ALKBH5: variants seen among roughly 807,000 people sequenced by gnomAD.
ALKBH5 encodes alkB homolog 5, RNA demethylase.
Under a neutral mutation model 32.1 loss-of-function variants are expected in ALKBH5, and 2 were observed. The observed-to-expected ratio is 0.06, with a 90% CI of 0.03 to 0.20. The LOEUF (loss-of-function observed/expected upper bound fraction) is 0.20, where lower values mean the gene tolerates loss of function less well. Among genes scored for constraint, ALKBH5 ranks in the 10% least tolerant of loss-of-function variants. ALKBH5 has a pLI of 1.00. For missense variants in ALKBH5, 352 were observed against 559.5 expected, an observed-to-expected ratio of 0.63 and a Z score of 3.74; for synonymous variants, 300 against 231.7, an observed-to-expected ratio of 1.29 and a Z score of -2.68.
intron 1 of ALKBH5, among the ~76,000 whole-genome samples, chr17:18,189,217 A>T (rs1446732300): frequency 6.6e-6 from 1 of 152,044 alleles, no homozygotes; most frequent in East Asian, 1.9e-4. Flanking sequence ...CTCTACTAAA[A>T]ATACAAAAAA....
intron 1 of ALKBH5, among the ~76,000 whole-genome samples, chr17:18,191,705 C>T (rs895761394): frequency 1.3e-5 from 2 of 152,132 alleles, no homozygotes; most frequent in Non-Finnish European, 1.5e-5. Context: ...CATGGTGGCT[C>T]ACACTTGTAA....
intron 2 of ALKBH5, among the ~76,000 whole-genome samples, chr17:18,201,470 C>T (rs532486760): frequency 1.3e-5 from 2 of 152,328 alleles, no homozygotes; most frequent in East Asian, 3.9e-4. Flanking sequence ...CTTCTAAACT[C>T]TTCCTGGCTG....
In ALKBH5 at chr17:18,184,693, C is replaced by A. The variant is rs756287332; in HGVS notation, c.450C>A (p.Pro150=). Residue 150 remains proline, a synonymous_variant, in exon 1 of 4, where the codon CCC becomes CCA. Coordinates refer to ENST00000399138, the MANE Select transcript of ALKBH5 (RefSeq NM_017758.4). ...GCGCCCAGCTGCAGAAGCGCGGGCC[C>A]GGCCAGGAGCGCCTCTACCCGCCGG... ...TYGAQLQKRG[P]GQERLYPPGD... is the part of the protein sequence containing the mutation. 2 of 1,612,702 alleles carry A rather than the reference C, an allele frequency of 1.2e-6. No homozygotes were observed. The highest frequency in any genetic ancestry group is 2.2e-5 in the South Asian group (2 of 91,066).
intron 1 of ALKBH5, among the ~76,000 whole-genome samples, chr17:18,188,377 C>T (rs759632209): frequency 1.2e-4 from 19 of 152,254 alleles, no homozygotes; most frequent in Non-Finnish European, 2.6e-4. Context: ...CACCCAGGCA[C>T]GGGGCATGCA....
At position 18,184,374 on chromosome 17, in the gene ALKBH5, CCGCCGCTGCCGCCGA is replaced by C; in HGVS notation, c.132_146del (p.Ala45_Glu49del). 6.6e-7 allele frequency: 1 copy of C among 1,517,818 alleles called. No homozygotes were observed. The highest frequency in any genetic ancestry group is 1.2e-5 in the South Asian group (1 of 80,494). The allele number at this position is 1,517,818 out of a possible 1,614,324, so 94.0% of individuals were successfully genotyped here. A position where few individuals can be genotyped will look rare whatever the true frequency, so the allele number is the denominator to read the frequency against. Reference sequence around the variant, plus strand: ...GCCGCCGTAGCCGCCGCAGCCGCAGCCGCCGCTGCCGCCGAACCTTACCCTGTGTCCGGGGCCAAG... The same window carrying C: ...GCCGCCGTAGCCGCCGCAGCCGCAGCACCTTACCCTGTGTCCGGGGCCAAG... On this transcript the variant is annotated inframe_deletion, in exon 1 of 4. Transcript: ENST00000399138.
At chr17:18,194,886 G>T in intron 1 of ALKBH5, 69 bp from the exon 2 acceptor site, 2 of 1,418,654 alleles carry the variant, frequency 1.4e-6, no homozygotes, top group Non-Finnish European at 2.0e-6. Context: ...TTCCTGTCCT[G>T]TTATATCCCC....
intron 1 of ALKBH5, among the ~76,000 whole-genome samples, chr17:18,194,057 C>T (rs551833042): frequency 6.8e-6 from 1 of 146,526 alleles, no homozygotes; most frequent in Non-Finnish European, 1.5e-5. Context: ...CATCTACCCA[C>T]ATTAGTTGGT....
Position 18,184,684 on chromosome 17 carries a change from G to A in ALKBH5, c.441G>A (p.Lys147=), listed in dbSNP as rs1487811970. 6.2e-7 allele frequency: 1 copy of A among 1,612,714 alleles called. No individual in the cohort carries two copies. Among genetic ancestry groups the A allele is most frequent in the Admixed American group, 1.7e-5 (1 of 60,010 alleles). ...EGYTYGAQLQ[K]RGPGQERLYP... Reference sequence around the variant, plus strand: ...ACACTTACGGCGCCCAGCTGCAGAAGCGCGGGCCCGGCCAGGAGCGCCTCT... The same window carrying A: ...ACACTTACGGCGCCCAGCTGCAGAAACGCGGGCCCGGCCAGGAGCGCCTCT... Residue 147 remains lysine, a synonymous_variant, in exon 1 of 4, where the codon AAG becomes AAA. Transcript: ENST00000399138.
intron 2 of ALKBH5, among the ~76,000 whole-genome samples, chr17:18,199,985 T>C (rs2047226590): frequency 6.6e-6 from 1 of 150,820 alleles, no homozygotes; most frequent in Admixed American, 6.6e-5. Flanking sequence ...TGATCCCAGC[T>C]ACTGGGGAGG....
intron 2 of ALKBH5, among the ~76,000 whole-genome samples, chr17:18,201,811 AGAT>A (rs771277083): frequency 7.9e-4 from 58 of 73,488 alleles, no homozygotes; most frequent in African/African-American, 2.6e-3. Context: ...ATAGATAGAT[AGAT>A]AGATAGATAG....
rs2047127856 is a variant in ALKBH5 at position 18,184,861 on chromosome 17, C to T, written c.618C>T (p.Asp206=). 6.2e-7 allele frequency: 1 copy of T among 1,614,236 alleles called. No individual in the cohort carries two copies. The highest frequency in any genetic ancestry group is 8.5e-7 in the Non-Finnish European group (1 of 1,180,050). Residue 206 remains aspartate (D), a synonymous_variant, in exon 1 of 4, where the codon GAC becomes GAT. Coordinates refer to ENST00000399138, the MANE Select transcript of ALKBH5 (RefSeq NM_017758.4). ...QPGGCIVSHV[D]PIHIFERPIV... ...GCGGCTGCATCGTGTCTCACGTGGA[C>T]CCCATCCACATCTTCGAGCGCCCCA...
intron 1 of ALKBH5, among the ~76,000 whole-genome samples, chr17:18,186,445 A>G (rs534380813): frequency 1.4e-4 from 22 of 152,098 alleles, no homozygotes; most frequent in Non-Finnish European, 2.5e-4. Context: ...TCACACAAGG[A>G]CCATTTGGTC....
intron 2 of ALKBH5, among the ~76,000 whole-genome samples, chr17:18,195,322 C>G (rs927278431): frequency 1.3e-5 from 2 of 152,280 alleles, no homozygotes; most frequent in South Asian, 4.2e-4. Context: ...TCTTCCAAAC[C>G]TCACCCCACC....
chr17:18,192,110 A>G (rs1453740973), intron 1 of ALKBH5, among the ~76,000 whole-genome samples: 1 of 152,224 alleles, frequency 6.6e-6, no homozygotes, highest in South Asian at 2.1e-4. Flanking sequence ...AATGGGGCCC[A>G]GGCGGCCCCC....
rs1409620968 is a variant in ALKBH5 at position 18,208,299 on chromosome 17, G to T, written c.1088G>T (p.Ser363Ile). 6.2e-7 allele frequency: 1 copy of T among 1,614,130 alleles called. No homozygotes were observed. The highest frequency in any genetic ancestry group is 1.3e-5 in the African/African-American group (1 of 75,028). The change falls in exon 4 of 4, where the codon AGC becomes ATC. Residue 363 changes from serine to isoleucine, a missense_variant. Coordinates refer to ENST00000399138, the MANE Select transcript of ALKBH5 (RefSeq NM_017758.4). ...ACACACCGGCGGAGGGGTAGCTTCAGCTCTGAGAACTACTGGCGCAAGTCA... is the reference window on the plus strand; with the variant it reads ...ACACACCGGCGGAGGGGTAGCTTCATCTCTGAGAACTACTGGCGCAAGTCA... Reference protein sequence around the residue: ...LPTHRRRGSFSSENYWRKSYE... With the variant: ...LPTHRRRGSFISENYWRKSYE...
At chr17:18,201,792 ATAAG>A (rs2047239268) in intron 2 of ALKBH5, among the ~76,000 whole-genome samples, 1 of 75,728 alleles carries the variant, frequency 1.3e-5, no homozygotes, top group East Asian at 4.0e-4. Flanking sequence ...GATAGGATAG[ATAAG>A]ATAGATAGAT....
rs1451855806 is a variant in ALKBH5 at position 18,184,311 on chromosome 17, A to T, written c.68A>T (p.Tyr23Phe). 2 of 1,521,598 alleles carry T rather than the reference A, an allele frequency of 1.3e-6. No individual in the cohort carries two copies. Among genetic ancestry groups the T allele is most frequent in the Non-Finnish European group, 1.8e-6 (2 of 1,137,692 alleles). 94.3% of individuals were successfully genotyped at this position (1,521,598 alleles called of 1,614,324 possible). ...AAGTCCATGACGTCCCGGGACAACTATAAGGCGGGCAGCCGGGAGGCCGCC... is the reference window on the plus strand; with the variant it reads ...AAGTCCATGACGTCCCGGGACAACTTTAAGGCGGGCAGCCGGGAGGCCGCC... The part of the protein sequence containing the change: ...KLKSMTSRDN[Y>F]KAGSREAAAA... Residue 23 changes from tyrosine to phenylalanine, a missense_variant, in exon 1 of 4, where the codon TAT (tyrosine) becomes TTT (phenylalanine). Coordinates refer to ENST00000399138, the MANE Select transcript of ALKBH5 (RefSeq NM_017758.4).
chr17:18,184,381 T>TGCC lies in ALKBH5; in HGVS notation c.143_145dup (p.Ala48dup). Reference sequence around the variant, plus strand: ...TAGCCGCCGCAGCCGCAGCCGCCGCTGCCGCCGAACCTTACCCTGTGTCCG... The same window carrying TGCC: ...TAGCCGCCGCAGCCGCAGCCGCCGCTGCCGCCGCCGAACCTTACCCTGTGTCCG... On this transcript the variant is annotated inframe_insertion, in exon 1 of 4. Transcript: ENST00000399138. 1 of 1,520,412 alleles carries TGCC rather than the reference T, an allele frequency of 6.6e-7. No homozygotes were observed. The highest frequency in any genetic ancestry group is 8.8e-7 in the Non-Finnish European group (1 of 1,137,038). 94.2% of individuals were successfully genotyped at this position (1,520,412 alleles called of 1,614,324 possible). A position where few individuals can be genotyped will look rare whatever the true frequency, so the allele number is the denominator to read the frequency against.
chr17:18,190,340 A>G lies in ALKBH5; in HGVS notation c.771-4615A>G, dbSNP rs1439386734. Among the ~76,000 whole-genome samples, 5 of 152,216 alleles carry G rather than the reference A, an allele frequency of 3.3e-5. No individual in the cohort carries two copies. In the East Asian group the frequency reaches 7.7e-4, roughly 23 times the overall value. ...CAGGGCGGGTGGATCACCTGAGGTC[A>G]GGAATTCAAGACAAGAATGGCCAAG... On this transcript the variant is annotated intron_variant, in intron 1 of 3. Transcript: ENST00000399138.
Sources: allele counts gnomAD v4.1 joint callset (sites outside exome capture counted in the v4.1 genomes callset), GRCh38; gene constraint gnomAD v4.1.1; transcripts MANE v1.5; gene names NCBI Gene and HGNC (gene_info 2026-07-23, HGNC 2026-07-21).